The following BEND7 variants were observed in gnomAD, a reference collection of about 807,000 sequenced individuals.
BEND7 encodes the protein BEN domain-containing protein 7.
A neutral mutation model predicts 50.9 loss-of-function variants in BEND7; 28 were observed. The observed-to-expected ratio is 0.55, with a 90% CI of 0.41 to 0.75. The LOEUF is 0.75. BEND7 is among the 30% of genes least tolerant of loss of function. The pLI is 0.00. For missense variants in BEND7, 477 were observed against 491.3 expected (o/e 0.97, Z 0.28); for synonymous variants, 170 against 183.9 (o/e 0.92, Z 0.61).
At chr10:13,498,387 T>G (rs1231850023) in intron 3 of BEND7, among the ~76,000 whole-genome samples, 1 of 152,188 alleles carries the variant, frequency 6.6e-6, no homozygotes, top group East Asian at 1.9e-4. Flanking sequence ...ATATTTCTAT[T>G]GAAAACATAA....
intron 4 of BEND7, among the ~76,000 whole-genome samples, chr10:13,494,770 C>T (rs2076918342): frequency 6.6e-6 from 1 of 152,190 alleles, no homozygotes. Context: ...TAGACACAGC[C>T]CAAGTCTCTG....
At chr10:13,492,949 A>G (rs1273902566) in intron 4 of BEND7, 73 bp from the exon 5 acceptor site, 2 of 1,517,346 alleles carry the variant, frequency 1.3e-6, no homozygotes, top group Non-Finnish European at 1.8e-6. Context: ...CGGTCTATCC[A>G]TGTGATCTAC....
intron 6 of BEND7, among the ~76,000 whole-genome samples, chr10:13,463,360 G>C (rs1029068263): frequency 6.6e-6 from 1 of 152,160 alleles, no homozygotes. Flanking sequence ...GGAGTGCAGA[G>C]GGCATGACCT....
intron 2 of BEND7, among the ~76,000 whole-genome samples, chr10:13,504,988 G>T (rs529746534): frequency 6.6e-6 from 1 of 152,310 alleles, no homozygotes; most frequent in African/African-American, 2.4e-5. Flanking sequence ...CCTTAACTTG[G>T]CTAGGAGGGA....
chr10:13,525,488 T>C (rs2079395951), intron 2 of BEND7, among the ~76,000 whole-genome samples: 3 of 152,196 alleles, frequency 2.0e-5, no homozygotes, highest in African/African-American at 7.2e-5. Context: ...AAGCATGCTG[T>C]TCCCCCTGTC....
chr10:13,521,517 C>G (rs2079077102), intron 2 of BEND7, among the ~76,000 whole-genome samples: 1 of 152,178 alleles, frequency 6.6e-6, no homozygotes, highest in Non-Finnish European at 1.5e-5. Flanking sequence ...AAGGAGAGGA[C>G]TTACAAGAAG....
At chr10:13,463,138 T>C (rs774924938) in intron 6 of BEND7, among the ~76,000 whole-genome samples, 1 of 152,224 alleles carries the variant, frequency 6.6e-6, no homozygotes, top group Non-Finnish European at 1.5e-5. Context: ...ATGCTGGAGA[T>C]TGCAAATGTT....
At chr10:13,503,644 G>A (rs1429066738) in intron 2 of BEND7, among the ~76,000 whole-genome samples, 1 of 152,176 alleles carries the variant, frequency 6.6e-6, no homozygotes, top group Non-Finnish European at 1.5e-5. Context: ...CCTGGGAGGC[G>A]GAGGTTGCAG....
At position 13,524,698 on chromosome 10, in the gene BEND7, A is replaced by G. The variant is rs575263529; in HGVS notation, c.145+1440T>C. Among the ~76,000 whole-genome samples, 9 of 151,648 alleles carry G rather than the reference A, an allele frequency of 5.9e-5. No homozygotes were observed. In the South Asian group the frequency reaches 1.3e-3, roughly 21 times the overall value. ...CAACTGACCAAGTTTAGGGGACTGGAAAGACTAGAATCCAAGAATATTCTC... is the reference window on the plus strand; with the variant it reads ...CAACTGACCAAGTTTAGGGGACTGGGAAGACTAGAATCCAAGAATATTCTC... On this transcript the variant is annotated intron_variant, in intron 2 of 8. Coordinates refer to ENST00000466271, the MANE Select transcript of BEND7 (RefSeq NM_001369863.1).
Position 13,455,868 on chromosome 10 carries a change from G to A in BEND7, c.1064-3210C>T, listed in dbSNP as rs147644249. ...GGAGGTGTGGAATCATCTCTGAGAA[G>A]AATTGGAGAGGAAGCAGACCACAGA... On this transcript the variant is annotated intron_variant, in intron 6 of 8. Coordinates refer to ENST00000466271, the MANE Select transcript of BEND7 (RefSeq NM_001369863.1). 8.3e-3 allele frequency among the ~76,000 whole-genome samples: 1,264 copies of A among 152,122 alleles called. 21 individuals are homozygous for A. Among genetic ancestry groups the A allele is most frequent in the African/African-American group, 0.028 (1,156 of 41,482 alleles).
intron 2 of BEND7, chr10:13,500,689 G>A (rs2077377336): frequency 1.0e-6 from 1 of 985,672 alleles, no homozygotes; most frequent in Non-Finnish European, 1.2e-6. Context: ...CCTTCAGAGA[G>A]GACGGCCGAG....
chr10:13,439,422 T>A (rs1043543310), downstream of BEND7: 1 of 1,614,036 alleles, frequency 6.2e-7, no homozygotes, highest in African/African-American at 1.3e-5. Context: ...TGACATTGTC[T>A]GAGGTGAGCT....
intron 1 of BEND7, among the ~76,000 whole-genome samples, chr10:13,526,787 TG>T (rs1490570222): frequency 6.6e-6 from 1 of 152,260 alleles, no homozygotes; most frequent in Non-Finnish European, 1.5e-5. Context: ...ATTCAGCTAC[TG>T]CACTTTATTT....
intron 2 of BEND7, among the ~76,000 whole-genome samples, chr10:13,515,103 T>C (rs7078567): frequency 0.79 from 119,698 of 152,148 alleles, 47,276 homozygotes; most frequent in Non-Finnish European, 0.81. Flanking sequence ...TTTATCATGA[T>C]AATGTAAAGG....
At chr10:13,522,111 T>C (rs2132698222) in intron 2 of BEND7, among the ~76,000 whole-genome samples, 1 of 84,728 alleles carries the variant, frequency 1.2e-5, no homozygotes, top group Non-Finnish European at 2.3e-5. Context: ...TTGGCATGGA[T>C]GTAAATGGAG....
chr10:13,448,867 C>T (rs535718985), intron 7 of BEND7, among the ~76,000 whole-genome samples: 71 of 150,222 alleles, frequency 4.7e-4, no homozygotes, highest in East Asian at 2.0e-4. Context: ...CCCAGCTACT[C>T]GGGAGGCTGA....
intron 4 of BEND7, among the ~76,000 whole-genome samples, chr10:13,494,962 C>T (rs1055660861): frequency 6.6e-6 from 1 of 152,122 alleles, no homozygotes; most frequent in Non-Finnish European, 1.5e-5. Flanking sequence ...ATCCTTTGTG[C>T]CATCCTACAG....
chr10:13,497,025 A>C (rs1312100201), intron 3 of BEND7, 137 bp from the exon 4 acceptor site: 6 of 1,071,806 alleles, frequency 5.6e-6, no homozygotes, highest in Non-Finnish European at 1.3e-6. Context: ...GCTGTGCCTA[A>C]GGAAAACGTA....
At chr10:13,525,752 C>T (rs2079415894) in intron 2 of BEND7, among the ~76,000 whole-genome samples, 1 of 152,202 alleles carries the variant, frequency 6.6e-6, no homozygotes, top group South Asian at 2.1e-4. Context: ...ATAGCAGCTT[C>T]CTGGAAATTG....
Sources: gnomAD v4.1 joint callset for allele counts (sites outside exome capture counted in the v4.1 genomes callset) on GRCh38, gnomAD v4.1.1 for gene constraint, MANE v1.5 for transcripts, NCBI Gene and HGNC (gene_info 2026-07-23, HGNC 2026-07-21) for gene names.